SEPTIN11: variants seen among roughly 807,000 people sequenced by gnomAD.
The protein encoded by SEPTIN11 is septin-11.
SEPTIN11 carries 25 observed loss-of-function variants against 51.4 expected under a neutral mutation model. That is an observed-to-expected ratio of 0.49 (90% CI 0.35 to 0.68). The LOEUF (loss-of-function observed/expected upper bound fraction) is 0.68, where lower values mean the gene tolerates loss of function less well. SEPTIN11 is among the 30% of genes least tolerant of loss of function. The pLI is 0.00. For missense variants in SEPTIN11, 381 were observed against 520.8 expected, an observed-to-expected ratio of 0.73 and a Z score of 2.61; for synonymous variants, 174 against 184.1, an observed-to-expected ratio of 0.95 and a Z score of 0.44.
chr4:77,000,436 C>A (rs934742526), intron 2 of SEPTIN11, among the ~76,000 whole-genome samples: 2 of 152,138 alleles, frequency 1.3e-5, no homozygotes, highest in Non-Finnish European at 2.9e-5. Context: ...GGGATAGAGT[C>A]AGTACTCAAA....
intron 3 of SEPTIN11, among the ~76,000 whole-genome samples, chr4:77,007,872 T>C (rs1724600320): frequency 6.6e-6 from 1 of 152,226 alleles, no homozygotes; most frequent in African/African-American, 2.4e-5. Context: ...CTCAAGAAAC[T>C]GGAAGTGGGA....
chr4:76,991,414 T>C lies in SEPTIN11; in HGVS notation c.28-5011T>C, dbSNP rs1723368182. On this transcript the variant is annotated intron_variant, in intron 1 of 9. Transcript: ENST00000264893. ...TCTGGTGAAGCAAGATTTGGAATTGTGGAACATATTTTACAGCAGCGCTCA... is the reference window on the plus strand; with the variant it reads ...TCTGGTGAAGCAAGATTTGGAATTGCGGAACATATTTTACAGCAGCGCTCA... Among the ~76,000 whole-genome samples the C allele has an allele frequency of 2.0e-5, 3 of 152,240 alleles. No individual in the cohort carries two copies. The South Asian group carries it at 6.2e-4, about 31-fold the overall frequency.
intron 1 of SEPTIN11, among the ~76,000 whole-genome samples, chr4:76,979,865 G>A (rs576441940): frequency 1.3e-5 from 2 of 151,834 alleles, no homozygotes; most frequent in East Asian, 3.9e-4. Context: ...AAAAAAAAGT[G>A]GGGGCAAACA....
At chr4:77,010,796 T>C (rs142606632) in intron 3 of SEPTIN11, among the ~76,000 whole-genome samples, 142 of 146,928 alleles carry the variant, frequency 9.7e-4, no homozygotes, top group African/African-American at 3.2e-3. Context: ...GTATTCCTAA[T>C]AGAACAGTCT....
At position 77,037,179 on chromosome 4, in the gene SEPTIN11, C is replaced by A; in HGVS notation, c.*2667C>A. 3.1e-6 allele frequency: 2 copies of A among 653,696 alleles called. No homozygotes were observed. The highest frequency in any genetic ancestry group is 3.8e-6 in the Non-Finnish European group (2 of 526,114). The allele number at this position is 653,696 out of a possible 1,614,324, so 40.5% of individuals were successfully genotyped here. ...GAGTTCAAGACCACCTTGGCGAACA[C>A]GGTGAAACCCCGTCTCTACAAAAAA... On this transcript the variant is annotated 3_prime_UTR_variant, in exon 10 of 10. Transcript: ENST00000264893.
intron 1 of SEPTIN11, among the ~76,000 whole-genome samples, chr4:76,957,239 T>G (rs10213389): frequency 0.53 from 80,047 of 151,710 alleles, 21,741 homozygotes; most frequent in Middle Eastern, 0.6. Flanking sequence ...CTTGACAGAA[T>G]GATTTCCCTT....
At chr4:77,016,655 T>TATATATATATATATATATATATACAC (rs1553975019) in intron 5 of SEPTIN11, among the ~76,000 whole-genome samples, 1 of 109,022 alleles carries the variant, frequency 9.2e-6, no homozygotes, top group Non-Finnish European at 2.0e-5. Context: ...TATATATATA[T>TATATATATATATATATATATATACAC]ACACATATAT....
At chr4:76,993,093 G>A (rs893107423) in intron 1 of SEPTIN11, among the ~76,000 whole-genome samples, 1 of 152,152 alleles carries the variant, frequency 6.6e-6, no homozygotes, top group Non-Finnish European at 1.5e-5. Context: ...AGGGAGGCCA[G>A]TTGGGAGGCT....
chr4:77,019,784 A>G (rs1212314499), intron 6 of SEPTIN11, among the ~76,000 whole-genome samples: 4 of 152,210 alleles, frequency 2.6e-5, no homozygotes, highest in East Asian at 1.9e-4. Context: ...CAAGGACTCT[A>G]TGACCTACTC....
intron 1 of SEPTIN11, among the ~76,000 whole-genome samples, chr4:76,958,476 G>C (rs1418202358): frequency 6.6e-6 from 1 of 152,038 alleles, no homozygotes; most frequent in Non-Finnish European, 1.5e-5. Flanking sequence ...TGTTCCCCTG[G>C]GTCACTTCCC....
At chr4:77,020,878 A>T (rs1725670962) in intron 7 of SEPTIN11, 2 of 542,228 alleles carry the variant, frequency 3.7e-6, no homozygotes, top group Admixed American at 6.9e-5. Flanking sequence ...TATTATCCAC[A>T]TTTTACAGAT....
intron 1 of SEPTIN11, 64 bp downstream of exon 1, chr4:76,949,994 G>T: frequency 7.3e-7 from 1 of 1,375,000 alleles, no homozygotes. Context: ...TGGGGCGGGT[G>T]CGGTGAGGAC....
At chr4:77,020,711 G>A (rs1170863253) in intron 7 of SEPTIN11, 41 bp downstream of exon 7, 1 of 1,580,216 alleles carries the variant, frequency 6.3e-7, no homozygotes, top group Non-Finnish European at 8.6e-7. Flanking sequence ...CCAGACAGTG[G>A]CGAGAGTGGC....
chr4:76,952,974 G>T (rs559573670), intron 1 of SEPTIN11, among the ~76,000 whole-genome samples: 1 of 152,308 alleles, frequency 6.6e-6, no homozygotes, highest in South Asian at 2.1e-4. Context: ...GTGTTCATCA[G>T]TTTAAAAACT....
intron 8 of SEPTIN11, among the ~76,000 whole-genome samples, chr4:77,029,937 C>T (rs1726486117): frequency 6.6e-6 from 1 of 152,050 alleles, no homozygotes; most frequent in African/African-American, 2.4e-5. Flanking sequence ...ACCACTTTTA[C>T]CACTAGGGTG....
chr4:77,035,514 A>C lies in SEPTIN11; in HGVS notation c.*1002A>C. The C allele has an allele frequency of 1.0e-6, 1 of 985,442 alleles. No individual in the cohort carries two copies. The highest frequency in any genetic ancestry group is 1.7e-5 in the African/African-American group (1 of 57,364). The allele number at this position is 985,442 out of a possible 1,614,324, so 61.0% of individuals were successfully genotyped here. ...TAAACTCTGTATCATTGGTAGCACA[A>C]ATTTGAGCGAGGCCTTGTCAATTTT... On this transcript the variant is annotated 3_prime_UTR_variant, in exon 10 of 10. Coordinates refer to ENST00000264893, the MANE Select transcript of SEPTIN11 (RefSeq NM_018243.4).
downstream of SEPTIN11, chr4:77,038,674 G>A (rs140229610): frequency 2.0e-5 from 20 of 1,018,098 alleles, no homozygotes; most frequent in East Asian, 1.6e-3. Flanking sequence ...ATATGTACAC[G>A]TGCTTACTGG....
At chr4:77,008,891 G>T (rs569413066) in intron 3 of SEPTIN11, among the ~76,000 whole-genome samples, 1 of 152,304 alleles carries the variant, frequency 6.6e-6, no homozygotes, top group Admixed American at 6.5e-5. Context: ...TAGGAATGGG[G>T]CTAGCAAAAG....
At chr4:76,959,930 T>C (rs1272722239) in intron 1 of SEPTIN11, among the ~76,000 whole-genome samples, 6 of 152,222 alleles carry the variant, frequency 3.9e-5, no homozygotes, top group Non-Finnish European at 8.8e-5. Flanking sequence ...ATGCAATGTG[T>C]AATAATCACA....
Sources: allele counts gnomAD v4.1 joint callset (sites outside exome capture counted in the v4.1 genomes callset), GRCh38; gene constraint gnomAD v4.1.1; transcripts MANE v1.5; gene names NCBI Gene and HGNC (gene_info 2026-07-23, HGNC 2026-07-21).